SLC1A4: variants seen among roughly 807,000 people sequenced by gnomAD.
The protein encoded by SLC1A4 is solute carrier family 1 member 4.
SLC1A4 carries 19 observed loss-of-function variants against 37.7 expected under a neutral mutation model. The observed-to-expected ratio is 0.50, with a 90% CI of 0.35 to 0.74. SLC1A4 has a LOEUF of 0.74. Among genes scored for constraint, SLC1A4 ranks in the 30% least tolerant of loss-of-function variants. The pLI, the probability that SLC1A4 is intolerant of heterozygous loss-of-function variation, is 0.01. For synonymous variants in SLC1A4, 299 were observed against 309.8 expected (o/e 0.97, Z 0.37); for missense variants, 570 against 712.9 (o/e 0.80, Z 2.28).
rs978722552 is a variant in SLC1A4, at chr2:65,001,557, G to C, written c.570+67G>C. The C allele has an allele frequency of 9.6e-6, 14 of 1,451,472 alleles. No individual in the cohort carries two copies. In the Admixed American group the frequency reaches 1.5e-4, roughly 16 times the overall value. The allele number at this position is 1,451,472 out of a possible 1,614,324, so 89.9% of individuals were successfully genotyped here. A position where few individuals can be genotyped will look rare whatever the true frequency, so the allele number is the denominator to read the frequency against. On this transcript the variant is annotated intron_variant, in intron 2 of 7. Coordinates refer to ENST00000234256, the MANE Select transcript of SLC1A4 (RefSeq NM_003038.5). The stretch of plus-strand genomic sequence containing the variant: ...AAGAAATGTACCAATTACTGCTATA[G>C]AGTTAGGTAAGGTAGAACAGGGAGA...
chr2:65,001,166 G>T (rs966083889), intron 1 of SLC1A4: 1 of 342,568 alleles, frequency 2.9e-6, no homozygotes, highest in Non-Finnish European at 5.3e-6. Context: ...GTGTCAGCTA[G>T]GGGTGGAGAG....
At chr2:65,003,540 AAATG>A (rs1168077919) in intron 2 of SLC1A4, among the ~76,000 whole-genome samples, 1 of 152,262 alleles carries the variant, frequency 6.6e-6, no homozygotes, top group Non-Finnish European at 1.5e-5. Flanking sequence ...GGGCATAAAT[AAATG>A]AATGGAAATA....
In SLC1A4 at chr2:65,020,860, G is replaced by C; in HGVS notation, c.1365-52G>C. The C allele has an allele frequency of 2.0e-6, 3 of 1,484,992 alleles. No individual in the cohort carries two copies. In the South Asian group the frequency reaches 3.4e-5, roughly 17 times the overall value. 92.0% of individuals were successfully genotyped at this position (1,484,992 alleles called of 1,614,324 possible). On this transcript the variant is annotated intron_variant, in intron 7 of 7. Transcript: ENST00000234256. ...TCGGCATCCAGGCTGCCTGTGACAG[G>C]ACCCGATCGCCCAGCAGTAGATATA...
intron 2 of SLC1A4, among the ~76,000 whole-genome samples, chr2:65,002,360 T>C (rs1359779675): frequency 1.3e-5 from 2 of 151,114 alleles, no homozygotes; most frequent in African/African-American, 2.4e-5. Context: ...TGTTGCTTCA[T>C]AGCCTGCTGT....
At chr2:64,992,943 G>A (rs1673114373) in intron 1 of SLC1A4, among the ~76,000 whole-genome samples, 2 of 152,186 alleles carry the variant, frequency 1.3e-5, no homozygotes, top group African/African-American at 2.4e-5. Flanking sequence ...CAAGCCACCC[G>A]GAAATGCTTC....
At chr2:64,990,292 G>A (rs1451579415) in intron 1 of SLC1A4, 122 bp downstream of exon 1, 2 of 1,008,720 alleles carry the variant, frequency 2.0e-6, no homozygotes, top group South Asian at 2.0e-5. Flanking sequence ...TGCTGGTGGC[G>A]TTTAACGTTT....
At chr2:65,001,792 T>C (rs1673467469) in intron 2 of SLC1A4, among the ~76,000 whole-genome samples, 1 of 152,230 alleles carries the variant, frequency 6.6e-6, no homozygotes, top group African/African-American at 2.4e-5. Context: ...TGTACACTTT[T>C]TTAAAAAAAT....
rs912266011 is a variant in SLC1A4 at position 65,021,995 on chromosome 2, C to G, written c.*849C>G. The G allele has an allele frequency of 6.6e-6, 1 of 152,290 alleles. No homozygotes were observed. Among genetic ancestry groups the G allele is most frequent in the African/African-American group, 2.4e-5 (1 of 41,460 alleles). The allele number at this position is 152,290 out of a possible 1,614,324, so 9.4% of individuals were successfully genotyped here. A position where few individuals can be genotyped will look rare whatever the true frequency, so the allele number is the denominator to read the frequency against. ...AACACTTTGGCTTTTTCTCCATTCA[C>G]GCTGATTTGGCAAAAGGCCAGAGAT... is the stretch of plus-strand genomic sequence containing the variant. On this transcript the variant is annotated 3_prime_UTR_variant, in exon 8 of 8. Coordinates refer to ENST00000234256, the MANE Select transcript of SLC1A4 (RefSeq NM_003038.5).
chr2:65,011,610 T>G lies in SLC1A4; in HGVS notation c.800+847T>G, dbSNP rs533102578. The G allele has an allele frequency of 5.9e-5, 9 of 152,238 alleles. 1 individual carries two copies. The South Asian group carries it at 1.9e-3, about 32-fold the overall frequency. The allele number at this position is 152,238 out of a possible 1,614,324, so 9.4% of individuals were successfully genotyped here. ...AATTTGTAAATGTTTCTTTGTGTGA[T>G]ATCAATGAAAGCATGATTGTTAAGT... On this transcript the variant is annotated intron_variant, in intron 4 of 7. Coordinates refer to ENST00000234256, the MANE Select transcript of SLC1A4 (RefSeq NM_003038.5).
intron 3 of SLC1A4, among the ~76,000 whole-genome samples, chr2:65,008,515 CT>C (rs1373540960): frequency 6.6e-6 from 1 of 152,168 alleles, no homozygotes; most frequent in Non-Finnish European, 1.5e-5. Flanking sequence ...GTGGCACATG[CT>C]TGTAGTCCCA....
chr2:65,020,797 C>A, intron 7 of SLC1A4, 115 bp from the exon 8 acceptor site: 1 of 779,992 alleles, frequency 1.3e-6, no homozygotes, highest in Non-Finnish European at 2.2e-6. Context: ...GCATGCTCTC[C>A]AGGAAGCAAC....
At chr2:64,999,256 CT>C (rs1673375181) in intron 1 of SLC1A4, among the ~76,000 whole-genome samples, 1 of 152,164 alleles carries the variant, frequency 6.6e-6, no homozygotes, top group Non-Finnish European at 1.5e-5. Flanking sequence ...TTTAATTCAG[CT>C]AAAGATTAAT....
chr2:65,010,683 A>G lies in SLC1A4; in HGVS notation c.720A>G (p.Leu240=). 5.6e-6 allele frequency: 9 copies of G among 1,614,136 alleles called. No individual in the cohort carries two copies. Among genetic ancestry groups the G allele is most frequent in the Non-Finnish European group, 7.6e-6 (9 of 1,179,994 alleles). Residue 240 remains leucine, a synonymous_variant, in exon 4 of 8, where the codon CTA becomes CTG. Transcript: ENST00000234256. ...TGTTAGGAGTGGCCTTAAAGAAACT[A>G]GGCTCCGAAGGAGAAGACCTCATCC... is the stretch of plus-strand genomic sequence containing the variant. The part of the protein sequence containing the change: ...ALVLGVALKK[L]GSEGEDLIRF...
intron 3 of SLC1A4, among the ~76,000 whole-genome samples, chr2:65,005,427 G>A (rs1003557563): frequency 7.9e-5 from 12 of 152,264 alleles, no homozygotes; most frequent in Admixed American, 3.9e-4. Context: ...ACTCTGTCTG[G>A]CCAGAGGACG....
rs948371097 is a variant in SLC1A4 at position 65,023,318 on chromosome 2, C to T, written c.*2172C>T. ...ACACACATATGTATATCTATACACA[C>T]ATGTGTGTTGTGTATATGCATGTGT... is the stretch of plus-strand genomic sequence containing the variant. On this transcript the variant is annotated 3_prime_UTR_variant, in exon 8 of 8. Transcript: ENST00000234256. 4 of 109,736 alleles carry T rather than the reference C, an allele frequency of 3.6e-5. No individual in the cohort carries two copies. Among genetic ancestry groups the T allele is most frequent in the Non-Finnish European group, 7.2e-5 (4 of 55,738 alleles). The allele number at this position is 109,736 out of a possible 1,614,324, so 6.8% of individuals were successfully genotyped here.
intron 4 of SLC1A4, among the ~76,000 whole-genome samples, chr2:65,011,992 C>T (rs1356941819): frequency 6.6e-6 from 1 of 151,872 alleles, no homozygotes; most frequent in Non-Finnish European, 1.5e-5. Flanking sequence ...TGGTCTCTAA[C>T]TCCTGACCTC....
chr2:65,011,475 C>G (rs1673916043), intron 4 of SLC1A4: 1 of 151,288 alleles, frequency 6.6e-6, no homozygotes, highest in Non-Finnish European at 1.5e-5. Flanking sequence ...ACCATGTTGG[C>G]CAAGCTGGTC....
chr2:65,000,501 G>A (rs1673417046), intron 1 of SLC1A4: 1 of 152,290 alleles, frequency 6.6e-6, no homozygotes, highest in South Asian at 2.1e-4. Context: ...CAGAATCACT[G>A]CTAATGAAAT....
rs866687971 is a variant in SLC1A4 at position 64,991,641 on chromosome 2, A to G, written c.527+1471A>G. 4.0e-5 allele frequency among the ~76,000 whole-genome samples: 6 copies of G among 151,834 alleles called. No individual in the cohort carries two copies. In the South Asian group the frequency reaches 1.2e-3, roughly 32 times the overall value. ...TTTTGAGACGGAGTCTCGCTCTGTC[A>G]CCCAGGCTGGAGTGCAGTGTGCGAT... On this transcript the variant is annotated intron_variant, in intron 1 of 7. Coordinates refer to ENST00000234256, the MANE Select transcript of SLC1A4 (RefSeq NM_003038.5).
Sources: allele counts gnomAD v4.1 joint callset (sites outside exome capture counted in the v4.1 genomes callset), GRCh38; gene constraint gnomAD v4.1.1; transcripts MANE v1.5; gene names NCBI Gene and HGNC (gene_info 2026-07-23, HGNC 2026-07-21).